The following EIF3F variants were observed in gnomAD, a reference collection of about 807,000 sequenced individuals.
EIF3F encodes deubiquitinating enzyme eIF3f.
EIF3F carries 8 observed loss-of-function variants against 36.0 expected under a neutral mutation model. That is an observed-to-expected ratio of 0.22 (90% CI 0.13 to 0.40). EIF3F has a LOEUF of 0.40. EIF3F is among the 10% of genes least tolerant of loss of function. The probability of loss-of-function intolerance (pLI) is 1.00; values close to 1 mark genes in which losing one functional copy is unlikely to be tolerated. For synonymous variants in EIF3F, 184 were observed against 188.5 expected (o/e 0.98, Z 0.19); for missense variants, 430 against 467.6 (o/e 0.92, Z 0.74).
At position 7,997,553 on chromosome 11, in the gene EIF3F, C is replaced by T. The variant is rs991349254; in HGVS notation, c.*1531C>T. On this transcript the variant is annotated 3_prime_UTR_variant, in exon 8 of 8. Coordinates refer to ENST00000651655, the MANE Select transcript of EIF3F (RefSeq NM_003754.3). ...TAAATGTATAAGTATTAAACTAGCC[C>T]AAGGAAAAATTGAATATTAAAACAA... The T allele has an allele frequency of 5.3e-5, 8 of 152,048 alleles. No homozygotes were observed. The highest frequency in any genetic ancestry group is 1.0e-4 in the Non-Finnish European group (7 of 67,986). The allele number at this position is 152,048 out of a possible 1,614,324, so 9.4% of individuals were successfully genotyped here. A position where few individuals can be genotyped will look rare whatever the true frequency, so the allele number is the denominator to read the frequency against.
Position 7,999,868 on chromosome 11 carries a change from T to C in EIF3F, c.*3846T>C, listed in dbSNP as rs1942200560. 2 of 152,208 alleles carry C rather than the reference T, an allele frequency of 1.3e-5. No homozygotes were observed. The highest frequency in any genetic ancestry group is 1.3e-4 in the Admixed American group (2 of 15,274). 9.4% of individuals were successfully genotyped at this position (152,208 alleles called of 1,614,324 possible). On this transcript the variant is annotated 3_prime_UTR_variant, in exon 8 of 8. Coordinates refer to ENST00000651655, the MANE Select transcript of EIF3F (RefSeq NM_003754.3). ...GATACTTCCACGTTCACTGAAGCATTGTTCACAATCGCCAAGACATCAACC... is the reference window on the plus strand; with the variant it reads ...GATACTTCCACGTTCACTGAAGCATCGTTCACAATCGCCAAGACATCAACC...
At chr11:7,993,885 A>G (rs117597695) in intron 4 of EIF3F, among the ~76,000 whole-genome samples, 2,183 of 152,160 alleles carry the variant, frequency 0.014, 16 homozygotes, top group East Asian at 0.028. Flanking sequence ...AGATCCAACT[A>G]TATATATGTA....
At chr11:7,995,774 A>C in intron 7 of EIF3F, 171 bp from the exon 8 acceptor site, 1 of 686,972 alleles carries the variant, frequency 1.5e-6, no homozygotes, top group Non-Finnish European at 2.6e-6. Context: ...AAGCCTTCTC[A>C]AGCATTTCCT....
At chr11:7,991,693 A>C in intron 1 of EIF3F, 88 bp from the exon 2 acceptor site, 8 of 1,249,894 alleles carry the variant, frequency 6.4e-6, no homozygotes, top group East Asian at 2.3e-5. Context: ...TTGACATTGA[A>C]GAGATCATCA....
intron 1 of EIF3F, 50 bp from the exon 2 acceptor site, chr11:7,991,731 G>A (rs1171734061): frequency 5.7e-6 from 9 of 1,582,746 alleles, no homozygotes; most frequent in Non-Finnish European, 7.8e-6. Context: ...GTCAGAGGTT[G>A]TTGGGAGCCC....
chr11:7,990,900 T>TAAATAAATAAAAAAAA (rs1554914921), intron 1 of EIF3F, among the ~76,000 whole-genome samples: 2 of 136,878 alleles, frequency 1.5e-5, no homozygotes, highest in East Asian at 4.0e-4. Context: ...AATAAATAAA[T>TAAATAAATAAAAAAAA]AAAAGAAATA....
In EIF3F at chr11:7,987,622, C is replaced by A. The variant is rs374733620; in HGVS notation, c.270C>A (p.Arg90=). 6.3e-7 allele frequency: 1 copy of A among 1,581,338 alleles called. No homozygotes were observed. Among genetic ancestry groups the A allele is most frequent in the East Asian group, 2.3e-5 (1 of 43,928 alleles). ...PALPGPFPGG[R]VVRLHPVILA... Reference sequence around the variant, plus strand: ...TTCCAGGGCCCTTCCCCGGCGGCCGCGTGGTCAGGCTGCACCCAGTCATTT... The same window carrying A: ...TTCCAGGGCCCTTCCCCGGCGGCCGAGTGGTCAGGCTGCACCCAGTCATTT... Residue 90 remains arginine (R), a synonymous_variant, in exon 1 of 8, where the codon CGC becomes CGA. Transcript: ENST00000651655.
At chr11:7,991,998 T>G in intron 2 of EIF3F, 86 bp from the exon 3 acceptor site, 1 of 1,502,266 alleles carries the variant, frequency 6.7e-7, no homozygotes, top group East Asian at 2.3e-5. Flanking sequence ...CCTCTTCTGT[T>G]TATTGGGGGT....
In EIF3F at chr11:7,992,364, C is replaced by G. The variant is rs1487353004; in HGVS notation, c.515+201C>G. The G allele has an allele frequency of 1.3e-5, 8 of 596,630 alleles. No individual in the cohort carries two copies. In the East Asian group the frequency reaches 1.7e-4, roughly 13 times the overall value. The allele number at this position is 596,630 out of a possible 1,614,324, so 37.0% of individuals were successfully genotyped here. A position where few individuals can be genotyped will look rare whatever the true frequency, so the allele number is the denominator to read the frequency against. ...GGAGGATCACTTGAGCCCAGTAGTTCAAGATCAGCCTGAACAAAATAGTGA... is the reference window on the plus strand; with the variant it reads ...GGAGGATCACTTGAGCCCAGTAGTTGAAGATCAGCCTGAACAAAATAGTGA... On this transcript the variant is annotated intron_variant, in intron 3 of 7. Transcript: ENST00000651655.
At position 7,997,585 on chromosome 11, in the gene EIF3F, A is replaced by C. The variant is rs187132484; in HGVS notation, c.*1563A>C. 3.2e-4 allele frequency: 49 copies of C among 152,324 alleles called. No homozygotes were observed. Among genetic ancestry groups the C allele is most frequent in the African/African-American group, 1.2e-3 (49 of 41,570 alleles). The allele number at this position is 152,324 out of a possible 1,614,324, so 9.4% of individuals were successfully genotyped here. ...AAATTGAATATTAAAACAAACCCCA[A>C]TCATATGCTGTTTACAGGAGACACA... On this transcript the variant is annotated 3_prime_UTR_variant, in exon 8 of 8. Coordinates refer to ENST00000651655, the MANE Select transcript of EIF3F (RefSeq NM_003754.3).
rs1039234037 is a variant in EIF3F at position 8,000,317 on chromosome 11, A to G, written c.*4295A>G. The G allele has an allele frequency of 6.6e-5, 10 of 152,222 alleles. No individual in the cohort carries two copies. Among genetic ancestry groups the G allele is most frequent in the African/African-American group, 2.2e-4 (9 of 41,466 alleles). 9.4% of individuals were successfully genotyped at this position (152,222 alleles called of 1,614,324 possible). On this transcript the variant is annotated 3_prime_UTR_variant, in exon 8 of 8. Transcript: ENST00000651655. The stretch of plus-strand genomic sequence containing the variant: ...ACCTGGAGGACACTATGCTAGTGAA[A>G]TAAGCCATGATCTCACTTGGATATG...
chr11:7,994,422 G>T lies in EIF3F; in HGVS notation c.654-4G>T, dbSNP rs748967109. ...TCTGTTTACTTTGGCTTCTCCTTCC[G>T]CAGCACTTTAATGGGAGTCCCTGGG... On this transcript the variant is annotated splice_polypyrimidine_tract_variant and splice_region_variant and intron_variant, in intron 4 of 7. Coordinates refer to ENST00000651655, the MANE Select transcript of EIF3F (RefSeq NM_003754.3). 45 of 1,613,390 alleles carry T rather than the reference G, an allele frequency of 2.8e-5. No homozygotes were observed. The highest frequency in any genetic ancestry group is 3.6e-5 in the Non-Finnish European group (42 of 1,179,732).
chr11:7,993,965 A>G (rs944754720), intron 4 of EIF3F, among the ~76,000 whole-genome samples: 1 of 144,272 alleles, frequency 6.9e-6, no homozygotes, highest in Admixed American at 6.8e-5. Flanking sequence ...TATAATTGAC[A>G]TAGTAAAAAG....
In EIF3F at chr11:7,995,044, C is replaced by G. The variant is rs759496049; in HGVS notation, c.808C>G (p.Gln270Glu). Reference sequence around the variant, plus strand: ...AGTGATTGGACTCTCAAGTGACTTGCAGCAAGTAGGAGGGGCATCAGCTCG... The same window carrying G: ...AGTGATTGGACTCTCAAGTGACTTGGAGCAAGTAGGAGGGGCATCAGCTCG... Reference protein sequence around the residue: ...NRVIGLSSDLQQVGGASARIQ... With the variant: ...NRVIGLSSDLEQVGGASARIQ... The change falls in exon 6 of 8, where the codon CAG becomes GAG. Residue 270 changes from glutamine to glutamate, a missense_variant. Gln to Glu is a conservative substitution (Grantham distance 29, BLOSUM62 2). Coordinates refer to ENST00000651655, the MANE Select transcript of EIF3F (RefSeq NM_003754.3). The G allele has an allele frequency of 5.0e-6, 8 of 1,613,814 alleles. No homozygotes were observed. Among genetic ancestry groups the G allele is most frequent in the Admixed American group, 3.3e-5 (2 of 59,996 alleles).
chr11:7,991,054 G>T (rs945668112), intron 1 of EIF3F, among the ~76,000 whole-genome samples: 1 of 151,842 alleles, frequency 6.6e-6, no homozygotes, highest in African/African-American at 2.4e-5. Flanking sequence ...AATTAGCTGG[G>T]CGTGGTGATG....
chr11:7,994,393 G>T (rs757476263), intron 4 of EIF3F, 33 bp from the exon 5 acceptor site: 7 of 1,594,054 alleles, frequency 4.4e-6, no homozygotes, highest in Non-Finnish European at 6.0e-6. Context: ...CTCTCCCAAG[G>T]CCATCTGTTT....
chr11:7,987,860 C>G (rs766302826), intron 1 of EIF3F, 144 bp downstream of exon 1: 77 of 1,231,722 alleles, frequency 6.3e-5, no homozygotes, highest in Non-Finnish European at 7.9e-5. Flanking sequence ...ATATCTGCAT[C>G]CTACCTTTTG....
chr11:7,994,656 C>A, intron 5 of EIF3F, 139 bp downstream of exon 5: 1 of 786,038 alleles, frequency 1.3e-6, no homozygotes, highest in Non-Finnish European at 2.0e-6. Flanking sequence ...CTAGAAGTCA[C>A]AGTCATCTCT....
In EIF3F at chr11:7,996,861, C is replaced by T. The variant is rs141834537; in HGVS notation, c.*839C>T. 35 of 152,280 alleles carry T rather than the reference C, an allele frequency of 2.3e-4. No individual in the cohort carries two copies. Among genetic ancestry groups the T allele is most frequent in the African/African-American group, 7.7e-4 (32 of 41,534 alleles). 9.4% of individuals were successfully genotyped at this position (152,280 alleles called of 1,614,324 possible). On this transcript the variant is annotated 3_prime_UTR_variant, in exon 8 of 8. Transcript: ENST00000651655. ...AATCAAAAAGGCCTGGATCCTAGTT[C>T]TGAGGTATGTGTAGCCTTAGGAAAG...
Sources: gnomAD v4.1 joint callset for allele counts (sites outside exome capture counted in the v4.1 genomes callset) on GRCh38, gnomAD v4.1.1 for gene constraint, MANE v1.5 for transcripts, NCBI Gene and HGNC (gene_info 2026-07-23, HGNC 2026-07-21) for gene names.